ELMO1: variants seen among roughly 807,000 people sequenced by gnomAD.
The protein encoded by ELMO1 is engulfment and cell motility 1.
In ELMO1, 26 loss-of-function variants were observed where a neutral mutation model predicts 98.9. That is an observed-to-expected ratio of 0.26 (90% CI 0.19 to 0.36). The LOEUF (loss-of-function observed/expected upper bound fraction) is 0.36. Ranked by LOEUF, ELMO1 falls within the 10% of genes least tolerant of loss-of-function variation. The pLI is 1.00. For missense variants in ELMO1, 627 were observed against 935.2 expected, an observed-to-expected ratio of 0.67 and a Z score of 4.30; for synonymous variants, 346 against 346.0, an observed-to-expected ratio of 1.00 and a Z score of 0.00.
chr7:37,099,680 A>G (rs1784538249), intron 14 of ELMO1, among the ~76,000 whole-genome samples: 1 of 152,238 alleles, frequency 6.6e-6, no homozygotes, highest in Admixed American at 6.5e-5. Flanking sequence ...TTCATCGTTT[A>G]CAGAGTATAT....
rs200827726 is a variant in ELMO1, at chr7:37,213,469, G to A, written c.832-12C>T. On this transcript the variant is annotated splice_polypyrimidine_tract_variant and intron_variant, in intron 11 of 21. Transcript: ENST00000310758. ...GCTCGGATGACATGCTAGGGAGATGGTTCACAAATGAAATTTTTTAAAAAA... is the reference window on the plus strand; with the variant it reads ...GCTCGGATGACATGCTAGGGAGATGATTCACAAATGAAATTTTTTAAAAAA... The A allele has an allele frequency of 1.1e-4, 184 of 1,602,920 alleles. No individual in the cohort carries two copies. Among genetic ancestry groups the A allele is most frequent in the Non-Finnish European group, 1.5e-4 (178 of 1,175,534 alleles).
chr7:37,231,650 A>C (rs1270267668), intron 8 of ELMO1, among the ~76,000 whole-genome samples: 1 of 152,220 alleles, frequency 6.6e-6, no homozygotes, highest in Non-Finnish European at 1.5e-5. Context: ...TGGGGACACT[A>C]AGGAGGCATG....
intron 13 of ELMO1, among the ~76,000 whole-genome samples, chr7:37,148,570 A>G (rs143419101): frequency 6.6e-6 from 1 of 152,370 alleles, no homozygotes; most frequent in East Asian, 1.9e-4. Context: ...ACAAAGAATT[A>G]CCATAAAAAC....
intron 13 of ELMO1, among the ~76,000 whole-genome samples, chr7:37,171,509 T>TG (rs1790159782): frequency 7.0e-6 from 1 of 142,546 alleles, no homozygotes; most frequent in Non-Finnish European, 1.5e-5. Context: ...TTTTTTTTTT[T>TG]TGAGACAGAG....
intron 16 of ELMO1, among the ~76,000 whole-genome samples, chr7:36,925,058 T>C (rs4723601): frequency 0.95 from 143,852 of 152,110 alleles, 68,102 homozygotes; most frequent in South Asian, 0.98. Flanking sequence ...TGCTACACGT[T>C]GTACAATGCA....
intron 16 of ELMO1, among the ~76,000 whole-genome samples, chr7:36,954,191 C>T (rs1418207886): frequency 6.6e-6 from 1 of 152,168 alleles, no homozygotes; most frequent in East Asian, 1.9e-4. Flanking sequence ...GCACTTGCTT[C>T]ATCTTCACAG....
chr7:37,286,238 G>C (rs561577274), intron 4 of ELMO1, among the ~76,000 whole-genome samples: 2 of 152,298 alleles, frequency 1.3e-5, no homozygotes, highest in African/African-American at 4.8e-5. Flanking sequence ...GGAAACACTA[G>C]GGATGGAGGA....
chr7:36,871,266 T>C (rs940912312), intron 19 of ELMO1, among the ~76,000 whole-genome samples: 1 of 152,200 alleles, frequency 6.6e-6, no homozygotes, highest in African/African-American at 2.4e-5. Flanking sequence ...GAACAGTGAG[T>C]GGCTCATGCC....
At chr7:36,899,092 T>C (rs923194470) in intron 16 of ELMO1, among the ~76,000 whole-genome samples, 1 of 151,948 alleles carries the variant, frequency 6.6e-6, no homozygotes, top group Non-Finnish European at 1.5e-5. Flanking sequence ...AACATAGCCA[T>C]GGGTGGGGAA....
intron 1 of ELMO1, among the ~76,000 whole-genome samples, chr7:37,367,948 C>T (rs947199107): frequency 6.6e-6 from 1 of 152,206 alleles, no homozygotes; most frequent in Non-Finnish European, 1.5e-5. Flanking sequence ...TTTCTGCTAT[C>T]GCCAAACAGG....
At chr7:37,409,601 C>T (rs1803912438) in intron 1 of ELMO1, among the ~76,000 whole-genome samples, 1 of 152,214 alleles carries the variant, frequency 6.6e-6, no homozygotes, top group East Asian at 1.9e-4. Flanking sequence ...GGAACTCAGC[C>T]AGGCCCGTGG....
In ELMO1 at chr7:37,342,714, G is replaced by T; in HGVS notation, c.-24C>A. On this transcript the variant is annotated 5_prime_UTR_variant, in exon 2 of 22. Coordinates refer to ENST00000310758, the MANE Select transcript of ELMO1 (RefSeq NM_014800.11). This position sits in a 1 kb window ranked among gnomAD's most constrained non-coding sequence, Gnocchi z 4.3. Reference sequence around the variant, plus strand: ...ATTGTAAGTCCCCAAAATGTTCAAAGCCAGTGGGAATGAGGATCCTACAGC... The same window carrying T: ...ATTGTAAGTCCCCAAAATGTTCAAATCCAGTGGGAATGAGGATCCTACAGC... The T allele has an allele frequency of 1.2e-6, 2 of 1,600,172 alleles. No homozygotes were observed. Among genetic ancestry groups the T allele is most frequent in the Non-Finnish European group, 1.7e-6 (2 of 1,173,812 alleles).
chr7:37,103,608 C>G (rs567745609), intron 14 of ELMO1, among the ~76,000 whole-genome samples: 3 of 151,706 alleles, frequency 2.0e-5, no homozygotes, highest in Non-Finnish European at 4.4e-5. Context: ...TGCAGCACAA[C>G]GTGGCACATG....
intron 1 of ELMO1, among the ~76,000 whole-genome samples, chr7:37,372,031 A>C (rs1338728744): frequency 6.6e-6 from 1 of 152,132 alleles, no homozygotes; most frequent in African/African-American, 2.4e-5. Context: ...TCCTGAAATG[A>C]CTTAAATTGC....
chr7:37,042,480 CAG>C (rs768793020), intron 15 of ELMO1, among the ~76,000 whole-genome samples: 2 of 152,184 alleles, frequency 1.3e-5, no homozygotes, highest in Non-Finnish European at 1.5e-5. Flanking sequence ...CAGCCCAAAA[CAG>C]AGTTGCTCAA....
intron 16 of ELMO1, among the ~76,000 whole-genome samples, chr7:36,914,516 C>CCTTTTTT (rs1193155644): frequency 1.5e-5 from 2 of 129,988 alleles, no homozygotes; most frequent in African/African-American, 2.8e-5. Context: ...AATGTACATT[C>CCTTTTTT]TTTTTTTTTT....
intron 13 of ELMO1, among the ~76,000 whole-genome samples, chr7:37,162,484 TTAAACGTCG>T (rs1789292720): frequency 6.6e-6 from 1 of 152,192 alleles, no homozygotes; most frequent in Non-Finnish European, 1.5e-5. Flanking sequence ...CAATCTACTT[TTAAACGTCG>T]TAAACATGCA....
intron 13 of ELMO1, among the ~76,000 whole-genome samples, chr7:37,204,484 A>G (rs946765736): frequency 5.3e-5 from 8 of 152,070 alleles, no homozygotes; most frequent in African/African-American, 1.9e-4. Flanking sequence ...GGTGAGTGTT[A>G]CACCTCATAA....
chr7:37,009,503 T>C (rs1239018843), intron 16 of ELMO1, among the ~76,000 whole-genome samples: 1 of 152,226 alleles, frequency 6.6e-6, no homozygotes, highest in Admixed American at 6.5e-5. Context: ...TGGCATTAAC[T>C]ACCAAGCACT....
Sources: allele counts gnomAD v4.1 joint callset (sites outside exome capture counted in the v4.1 genomes callset), GRCh38; gene constraint gnomAD v4.1.1; non-coding constraint Gnocchi (gnomAD v3.1); transcripts MANE v1.5; gene names NCBI Gene and HGNC (gene_info 2026-07-23, HGNC 2026-07-21).